Variants in PARP9 observed in about 807,000 individuals in gnomAD.
PARP9 encodes poly(ADP-ribose) polymerase family member 9.
Under a neutral mutation model 68.8 loss-of-function variants are expected in PARP9, and 48 were observed. The observed-to-expected ratio is 0.70, with a 90% confidence interval of 0.55 to 0.89. The LOEUF (loss-of-function observed/expected upper bound fraction) is 0.89, where lower values mean the gene tolerates loss of function less well. Ranked by LOEUF, PARP9 falls within the 40% of genes least tolerant of loss-of-function variation. PARP9 has a pLI of 0.00. For synonymous variants in PARP9, 309 were observed against 333.8 expected, an observed-to-expected ratio of 0.93 and a Z score of 0.81; for missense variants, 806 against 969.3, an observed-to-expected ratio of 0.83 and a Z score of 2.24.
chr3:122,540,962 C>A (rs1017789920), intron 7 of PARP9, 110 bp from the exon 8 acceptor site: 1 of 1,240,864 alleles, frequency 8.1e-7, no homozygotes, highest in African/African-American at 1.5e-5. Flanking sequence ...GCGATCTCAG[C>A]TCACTGCAAG....
intron 1 of PARP9, among the ~76,000 whole-genome samples, chr3:122,563,048 G>T (rs1274708236): frequency 1.3e-5 from 2 of 152,144 alleles, no homozygotes; most frequent in African/African-American, 4.8e-5. Flanking sequence ...CCCATTTCCA[G>T]TCTTACCAGC....
At chr3:122,558,507 G>T in intron 2 of PARP9, 40 bp from the exon 3 acceptor site, 1 of 1,609,924 alleles carries the variant, frequency 6.2e-7, no homozygotes, top group East Asian at 2.2e-5. Context: ...AAATGGAAGT[G>T]GAATGACTAC....
At chr3:122,543,280 G>T (rs1453791957) in intron 7 of PARP9, among the ~76,000 whole-genome samples, 1 of 151,172 alleles carries the variant, frequency 6.6e-6, no homozygotes, top group African/African-American at 2.4e-5. Flanking sequence ...TTGTTTGTTT[G>T]TTTTTTGTTT....
In PARP9 at chr3:122,559,612, A is replaced by G. The variant is rs917968533; in HGVS notation, c.9T>C (p.Phe3=). The G allele has an allele frequency of 2.5e-6, 4 of 1,590,984 alleles. No homozygotes were observed. The highest frequency in any genetic ancestry group is 1.2e-5 in the South Asian group (1 of 84,480). ...ACACATTTATGCTTTTTACCATGGA[A>G]AAGTCCATCCTCCAGGTCCCCGGGG... is the stretch of plus-strand genomic sequence containing the variant. MD[F]SMVAGAAAYN... Residue 3 remains phenylalanine, a synonymous_variant, in exon 2 of 11, where the codon TTT becomes TTC. Transcript: ENST00000682323.
At chr3:122,563,144 A>G (rs2080384000) in intron 1 of PARP9, among the ~76,000 whole-genome samples, 1 of 152,084 alleles carries the variant, frequency 6.6e-6, no homozygotes, top group African/African-American at 2.4e-5. Flanking sequence ...TCAGCACCAT[A>G]TTTCTAAAAT....
chr3:122,563,386 T>G, intron 1 of PARP9, among the ~76,000 whole-genome samples: 1 of 152,202 alleles, frequency 6.6e-6, no homozygotes, highest in Admixed American at 6.5e-5. Flanking sequence ...AAAATCTCAT[T>G]ACATGCTGAA....
At chr3:122,545,292 G>T in intron 7 of PARP9, 140 bp downstream of exon 7, 1 of 775,444 alleles carries the variant, frequency 1.3e-6, no homozygotes, top group Non-Finnish European at 2.2e-6. Context: ...TAGAGAGTAG[G>T]CAGGTATCCA....
intron 6 of PARP9, 22 bp downstream of exon 6, chr3:122,550,562 C>G: frequency 6.5e-7 from 1 of 1,538,706 alleles, no homozygotes; most frequent in Non-Finnish European, 9.0e-7. Flanking sequence ...AACAGTAGGA[C>G]ATTTCTAAGA....
At chr3:122,556,485 T>A (rs2079679198) in intron 3 of PARP9, among the ~76,000 whole-genome samples, 1 of 152,212 alleles carries the variant, frequency 6.6e-6, no homozygotes, top group African/African-American at 2.4e-5. Flanking sequence ...GAAAGACCAA[T>A]GCTTAGGGCA....
Position 122,528,106 on chromosome 3 carries a change from A to G in PARP9, c.*258T>C, listed in dbSNP as rs2077065402. On this transcript the variant is annotated 3_prime_UTR_variant, in exon 11 of 11. Coordinates refer to ENST00000682323, the MANE Select transcript of PARP9 (RefSeq NM_001146105.2). Reference sequence around the variant, plus strand: ...GCAAAATATTTATCTCCTCTAGTAAAGGAGATTAAAGAACAACTGCAAGAG... The same window carrying G: ...GCAAAATATTTATCTCCTCTAGTAAGGGAGATTAAAGAACAACTGCAAGAG... The G allele has an allele frequency of 3.0e-6, 1 of 331,168 alleles. No homozygotes were observed. The highest frequency in any genetic ancestry group is 4.5e-5 in the Admixed American group (1 of 22,110). The allele number at this position is 331,168 out of a possible 1,614,324, so 20.5% of individuals were successfully genotyped here. A position where few individuals can be genotyped will look rare whatever the true frequency, so the allele number is the denominator to read the frequency against.
rs201875467 is a variant in PARP9, at chr3:122,562,156, C to CTCTTTTCTTTTT, written c.-90+2088_-90+2089insAAAAAGAAAAGA. On this transcript the variant is annotated intron_variant, in intron 1 of 10. Transcript: ENST00000682323. ...CTTTTGCCTGAGCTGTGGCAATATACTCTTTTCTTTTCTTTTCTTTTCTTT... is the reference window on the plus strand; with the variant it reads ...CTTTTGCCTGAGCTGTGGCAATATACTCTTTTCTTTTTTCTTTTCTTTTCTTTTCTTTTCTTT... Among the ~76,000 whole-genome samples the CTCTTTTCTTTTT allele has an allele frequency of 9.7e-3, 1,376 of 141,270 alleles. 22 individuals are homozygous for CTCTTTTCTTTTT. Among genetic ancestry groups the CTCTTTTCTTTTT allele is most frequent in the East Asian group, 0.027 (120 of 4,504 alleles). 92.7% of individuals were successfully genotyped at this position (141,270 alleles called of 152,430 possible). A position where few individuals can be genotyped will look rare whatever the true frequency, so the allele number is the denominator to read the frequency against.
intron 4 of PARP9, 76 bp downstream of exon 4, chr3:122,555,210 A>G: frequency 7.4e-7 from 1 of 1,360,014 alleles, no homozygotes; most frequent in Non-Finnish European, 1.0e-6. Context: ...ATAGTGTTGC[A>G]TAGTGTACAC....
In PARP9 at chr3:122,555,857, T is replaced by C. The variant is rs753559187; in HGVS notation, c.314A>G (p.Asn105Ser). Residue 105 changes from asparagine to serine, a missense_variant, in exon 4 of 11, where the codon AAT becomes AGT. Asn to Ser is a conservative substitution (Grantham distance 46). Around this residue, in one of 2 missense-constraint regions of PARP9, gnomAD observed 680 missense variants for 858.8 expected, o/e 0.79. Transcript: ENST00000682323. ...GCCTCCCCCATGCAGAAGATCTTCA[T>C]TGGCTGCATTCACCACAGCATCAAC... ...HAVDAVVNAA[N>S]EDLLHGGGLA... 4.3e-6 allele frequency: 7 copies of C among 1,613,986 alleles called. No homozygotes were observed. Among genetic ancestry groups the C allele is most frequent in the African/African-American group, 1.3e-5 (1 of 74,912 alleles).
chr3:122,532,040 G>T, intron 10 of PARP9: 1 of 548,518 alleles, frequency 1.8e-6, no homozygotes, highest in Non-Finnish European at 2.3e-6. Flanking sequence ...AACAATTGGA[G>T]GGACTCACAG....
chr3:122,541,484 T>G (rs2078228683), intron 7 of PARP9, among the ~76,000 whole-genome samples: 1 of 152,242 alleles, frequency 6.6e-6, no homozygotes, highest in Non-Finnish European at 1.5e-5. Flanking sequence ...TATTTCCTGC[T>G]GAATAGGATT....
At chr3:122,550,321 C>T (rs6438739) in intron 6 of PARP9, among the ~76,000 whole-genome samples, 32,982 of 152,094 alleles carry the variant, frequency 0.22, 4,151 homozygotes, top group Non-Finnish European at 0.27. Flanking sequence ...TCAGGTGATC[C>T]GCCTGCCTCC....
chr3:122,539,526 T>TCTTTCTTTCTTCCTTC (rs2077970513), intron 8 of PARP9, among the ~76,000 whole-genome samples: 1 of 32,170 alleles, frequency 3.1e-5, no homozygotes, highest in African/African-American at 9.5e-5. Flanking sequence ...TTTCTTTCTT[T>TCTTTCTTTCTTCCTTC]CTTTCTTTCT....
intron 7 of PARP9, among the ~76,000 whole-genome samples, chr3:122,542,640 C>T (rs978298938): frequency 6.0e-5 from 9 of 151,156 alleles, no homozygotes; most frequent in South Asian, 4.2e-4. Flanking sequence ...CCACCACACC[C>T]GGCTAATTTT....
Position 122,556,141 on chromosome 3 carries a change from TAAAA to T in PARP9, c.50-24_50-21del, listed in dbSNP as rs745677021. The T allele has an allele frequency of 2.1e-4, 44 of 210,192 alleles. No homozygotes were observed. The highest frequency in any genetic ancestry group is 1.2e-3 in the Middle Eastern group (1 of 810). The allele number at this position is 210,192 out of a possible 1,614,324, so 13.0% of individuals were successfully genotyped here. A position where few individuals can be genotyped will look rare whatever the true frequency, so the allele number is the denominator to read the frequency against. On this transcript the variant is annotated intron_variant, in intron 3 of 10. Coordinates refer to ENST00000682323, the MANE Select transcript of PARP9 (RefSeq NM_001146105.2). ...CAGTCTCTGGAAAAGAAGAGAAGAT[TAAAA>T]AAAAAAAAAAAAAAAAAAAAAAAAA...
Sources: allele counts gnomAD v4.1 joint callset (sites outside exome capture counted in the v4.1 genomes callset), GRCh38; gene constraint gnomAD v4.1.1; regional missense constraint gnomAD v4.1.1; transcripts MANE v1.5; gene names NCBI Gene and HGNC (gene_info 2026-07-23, HGNC 2026-07-21).